ZNF521: variants seen among roughly 807,000 people sequenced by gnomAD.
ZNF521 encodes the protein zinc finger protein 521.
Under a neutral mutation model 105.5 loss-of-function variants are expected in ZNF521, and 14 were observed. That is an observed-to-expected ratio of 0.13 (90% CI 0.09 to 0.21). The LOEUF is 0.21. Among genes scored for constraint, ZNF521 ranks in the 10% least tolerant of loss-of-function variants. The pLI is 1.00. For synonymous variants in ZNF521, 635 were observed against 606.0 expected (o/e 1.05, Z -0.70); for missense variants, 1,233 against 1,629.7 (o/e 0.76, Z 4.19).
chr18:25,304,918 C>T (rs1398976337), intron 3 of ZNF521, among the ~76,000 whole-genome samples: 1 of 152,198 alleles, frequency 6.6e-6, no homozygotes, highest in Non-Finnish European at 1.5e-5. Flanking sequence ...AGATTGTAGG[C>T]AATAGGTTTC....
chr18:25,187,718 C>T (rs376581669), intron 5 of ZNF521, among the ~76,000 whole-genome samples: 45 of 152,216 alleles, frequency 3.0e-4, no homozygotes, highest in African/African-American at 8.2e-4. Flanking sequence ...TTGAGGACTT[C>T]GCAGCCTCTG....
Position 25,227,399 on chromosome 18 carries a change from C to T in ZNF521, c.519G>A (p.Lys173=), listed in dbSNP as rs1452385719. 1.2e-6 allele frequency: 2 copies of T among 1,614,122 alleles called. No individual in the cohort carries two copies. The highest frequency in any genetic ancestry group is 1.1e-5 in the South Asian group (1 of 91,084). Residue 173 remains lysine (K), a synonymous_variant, in exon 4 of 8, where the codon AAG becomes AAA. Coordinates refer to ENST00000361524, the MANE Select transcript of ZNF521 (RefSeq NM_015461.3). The surrounding 1 kb of genome is among the most constrained non-coding windows in gnomAD (Gnocchi z 5.7). ...CAGCATCACATTCACTGCAGTGGTACTTCTTGTCCCCGGTGTGGAGTTTTA... is the reference window on the plus strand; with the variant it reads ...CAGCATCACATTCACTGCAGTGGTATTTCTTGTCCCCGGTGTGGAGTTTTA... ...RHIKLHTGDK[K]YHCSECDAAF...
intron 4 of ZNF521, among the ~76,000 whole-genome samples, chr18:25,206,774 C>T (rs2036088428): frequency 6.6e-6 from 1 of 152,096 alleles, no homozygotes; most frequent in Admixed American, 6.5e-5. Flanking sequence ...CATGTCAGAC[C>T]ACCCTTCTCT....
chr18:25,072,211 C>T (rs1192381200), intron 7 of ZNF521, among the ~76,000 whole-genome samples: 1 of 152,194 alleles, frequency 6.6e-6, no homozygotes, highest in African/African-American at 2.4e-5. Context: ...CTTCAGAAGA[C>T]TAAGCAAAGA....
At chr18:25,071,384 C>T (rs2033218140) in intron 7 of ZNF521, among the ~76,000 whole-genome samples, 1 of 152,142 alleles carries the variant, frequency 6.6e-6, no homozygotes, top group South Asian at 2.1e-4. Flanking sequence ...CATTGATGAA[C>T]AAAGATGGTA....
chr18:25,227,737 G>C lies in ZNF521; in HGVS notation c.221-40C>G. On this transcript the variant is annotated intron_variant, in intron 3 of 7. Coordinates refer to ENST00000361524, the MANE Select transcript of ZNF521 (RefSeq NM_015461.3). The surrounding 1 kb of genome is among the most constrained non-coding windows in gnomAD (Gnocchi z 5.7). ...AATGACAAATTTCATCTGACATGTT[G>C]AGATTCAAGAGTGAGTTTACCGTAG... The C allele has an allele frequency of 6.5e-7, 1 of 1,538,710 alleles. No homozygotes were observed.
chr18:25,224,753 T>C lies in ZNF521; in HGVS notation c.3165A>G (p.Thr1055=). The C allele has an allele frequency of 1.2e-6, 2 of 1,614,060 alleles. No individual in the cohort carries two copies. The highest frequency in any genetic ancestry group is 1.7e-6 in the Non-Finnish European group (2 of 1,180,014). The change falls in exon 4 of 8, where the codon ACA becomes ACG. Residue 1055 remains threonine (T), a synonymous_variant. Coordinates refer to ENST00000361524, the MANE Select transcript of ZNF521 (RefSeq NM_015461.3). The stretch of plus-strand genomic sequence containing the variant: ...GTTTTTGGACGTGCTGGCCCCGCCC[T>C]GTGGTCTGAACTGCAGACCCATTCC... ...KTGNGSAVQT[T]GRGQHVQKLY... is the part of the protein sequence containing the mutation.
intron 3 of ZNF521, among the ~76,000 whole-genome samples, chr18:25,278,820 G>A (rs1910196656): frequency 6.6e-6 from 1 of 152,086 alleles, no homozygotes; most frequent in African/African-American, 2.4e-5. Flanking sequence ...AGACTTGCTT[G>A]CCACTGTGAA....
chr18:25,315,133 A>G (rs1231667879), intron 3 of ZNF521, among the ~76,000 whole-genome samples: 2 of 152,186 alleles, frequency 1.3e-5, no homozygotes, highest in South Asian at 2.1e-4. Context: ...CTTTAAATAT[A>G]TATTTTGATA....
intron 2 of ZNF521, among the ~76,000 whole-genome samples, chr18:25,342,249 C>T (rs1434845007): frequency 6.6e-6 from 1 of 152,180 alleles, no homozygotes; most frequent in African/African-American, 2.4e-5. Flanking sequence ...CATCATACAA[C>T]TTTGCAAGTT....
intron 5 of ZNF521, among the ~76,000 whole-genome samples, chr18:25,144,751 T>C (rs1471158035): frequency 1.3e-5 from 2 of 152,200 alleles, no homozygotes; most frequent in Non-Finnish European, 2.9e-5. Context: ...TTGAAACTAT[T>C]CAAATGAAAA....
intron 7 of ZNF521, among the ~76,000 whole-genome samples, chr18:25,082,361 G>A (rs2144173959): frequency 6.6e-6 from 1 of 152,296 alleles, no homozygotes; most frequent in South Asian, 2.1e-4. Context: ...CCAGGAAGGG[G>A]TGGGAATTAC....
At chr18:25,179,830 A>G (rs2035600545) in intron 5 of ZNF521, among the ~76,000 whole-genome samples, 1 of 152,214 alleles carries the variant, frequency 6.6e-6, no homozygotes, top group Admixed American at 6.5e-5. Flanking sequence ...CGGTGGGTAC[A>G]TGTCCACACA....
intron 5 of ZNF521, among the ~76,000 whole-genome samples, chr18:25,123,045 C>A (rs1364915018): frequency 1.3e-5 from 2 of 151,626 alleles, no homozygotes; most frequent in African/African-American, 4.9e-5. Flanking sequence ...GACCATTATA[C>A]CAAATATTAA....
At chr18:25,106,334 C>T (rs997912638) in intron 5 of ZNF521, among the ~76,000 whole-genome samples, 2 of 151,922 alleles carry the variant, frequency 1.3e-5, no homozygotes, top group African/African-American at 4.8e-5. Context: ...ACCAGGAAAA[C>T]CATATACTGT....
intron 3 of ZNF521, among the ~76,000 whole-genome samples, chr18:25,234,245 T>TG (rs1906727955): frequency 6.6e-6 from 1 of 152,224 alleles, no homozygotes; most frequent in Non-Finnish European, 1.5e-5. Context: ...GTGCCGTGAC[T>TG]GAGGGTGTTC....
At chr18:25,229,455 C>G (rs45589438) in intron 3 of ZNF521, among the ~76,000 whole-genome samples, 2 of 152,060 alleles carry the variant, frequency 1.3e-5, no homozygotes, top group Non-Finnish European at 1.5e-5. Context: ...AAGAAAGGGT[C>G]TGATGGATGT....
intron 3 of ZNF521, among the ~76,000 whole-genome samples, chr18:25,297,124 TACAC>T (rs71266974): frequency 3.3e-5 from 5 of 149,704 alleles, no homozygotes; most frequent in South Asian, 2.1e-4. Context: ...TGTCCCTTTA[TACAC>T]ACACACACAC....
In ZNF521 at chr18:25,312,540, C is replaced by T. The variant is rs1440898579; in HGVS notation, c.220+9468G>A. On this transcript the variant is annotated intron_variant, in intron 3 of 7. Transcript: ENST00000361524. ...TCAGAAGTTGGAACCAGGCCGGGCG[C>T]GGTGGCTCACGCCTGTAATCCCAGC... 6.0e-4 allele frequency among the ~76,000 whole-genome samples: 22 copies of T among 36,798 alleles called. 6 individuals are homozygous for T. The East Asian group carries it at 0.01, about 17-fold the overall frequency. 24.1% of individuals were successfully genotyped at this position (36,798 alleles called of 152,430 possible). A position where few individuals can be genotyped will look rare whatever the true frequency, so the allele number is the denominator to read the frequency against.
Sources: gnomAD v4.1 joint callset for allele counts (sites outside exome capture counted in the v4.1 genomes callset) on GRCh38, gnomAD v4.1.1 for gene constraint, Gnocchi (gnomAD v3.1) non-coding constraint, MANE v1.5 for transcripts, NCBI Gene and HGNC (gene_info 2026-07-23, HGNC 2026-07-21) for gene names.